The following SLC35F3 variants were observed in gnomAD, a reference collection of about 807,000 sequenced individuals.
The protein encoded by SLC35F3 is solute carrier family 35 member F3.
Under a neutral mutation model 49.9 loss-of-function variants are expected in SLC35F3, and 25 were observed. The observed-to-expected ratio is 0.50, with a 90% CI of 0.37 to 0.70. The LOEUF (loss-of-function observed/expected upper bound fraction) is 0.70, where lower values mean the gene tolerates loss of function less well. Among genes scored for constraint, SLC35F3 ranks in the 30% least tolerant of loss-of-function variants. The pLI is 0.00. For missense variants in SLC35F3, 525 were observed against 639.8 expected, an observed-to-expected ratio of 0.82 and a Z score of 1.94; for synonymous variants, 275 against 265.4, an observed-to-expected ratio of 1.04 and a Z score of -0.35.
In SLC35F3 at chr1:234,176,439, C is replaced by T. The variant is rs368139832; in HGVS notation, c.284-54978C>T. Among the ~76,000 whole-genome samples the T allele has an allele frequency of 9.8e-5, 15 of 152,342 alleles. No homozygotes were observed. In the South Asian group the frequency reaches 1.7e-3, roughly 17 times the overall value. ...GAAGGGACTCAGCTGCAGTAACTCACGCTTGTTCCACTCACAGCACCTTGA... is the reference window on the plus strand; with the variant it reads ...GAAGGGACTCAGCTGCAGTAACTCATGCTTGTTCCACTCACAGCACCTTGA... On this transcript the variant is annotated intron_variant, in intron 2 of 7. Coordinates refer to ENST00000366618, the MANE Select transcript of SLC35F3 (RefSeq NM_173508.4).
chr1:234,244,153 T>G (rs1268534538), intron 3 of SLC35F3, among the ~76,000 whole-genome samples: 1 of 152,230 alleles, frequency 6.6e-6, no homozygotes, highest in Non-Finnish European at 1.5e-5. Flanking sequence ...GGAGTCAGTC[T>G]GAGAGCCTAC....
chr1:233,925,878 T>C (rs1046723759), intron 2 of SLC35F3, among the ~76,000 whole-genome samples: 3 of 152,202 alleles, frequency 2.0e-5, no homozygotes, highest in African/African-American at 7.2e-5. Context: ...ATTTTATTTC[T>C]CCTTCACTTA....
intron 2 of SLC35F3, among the ~76,000 whole-genome samples, chr1:234,096,532 T>G (rs2102879756): frequency 6.6e-6 from 1 of 152,330 alleles, no homozygotes; most frequent in East Asian, 1.9e-4. Flanking sequence ...TTTGCCTCTC[T>G]CCACAGCAGA....
intron 2 of SLC35F3, among the ~76,000 whole-genome samples, chr1:234,203,664 T>C (rs1368134609): frequency 6.6e-6 from 1 of 151,122 alleles, no homozygotes; most frequent in Non-Finnish European, 1.5e-5. Context: ...TGAGCCGAGA[T>C]CACGCCACTG....
intron 3 of SLC35F3, among the ~76,000 whole-genome samples, chr1:234,277,801 T>G (rs1365018260): frequency 6.6e-6 from 1 of 152,194 alleles, no homozygotes; most frequent in East Asian, 1.9e-4. Flanking sequence ...TATATTTGTT[T>G]TCTGGAAGGC....
At chr1:233,933,770 G>A (rs980634947) in intron 2 of SLC35F3, among the ~76,000 whole-genome samples, 1 of 152,182 alleles carries the variant, frequency 6.6e-6, no homozygotes, top group Non-Finnish European at 1.5e-5. Flanking sequence ...GAACCTGGAA[G>A]GCGTAGGCGT....
In SLC35F3 at chr1:234,257,037, A is replaced by G. The variant is rs565438552; in HGVS notation, c.608+25296A>G. Among the ~76,000 whole-genome samples, 52 of 152,378 alleles carry G rather than the reference A, an allele frequency of 3.4e-4. No homozygotes were observed. The East Asian group carries it at 9.8e-3, about 29-fold the overall frequency. On this transcript the variant is annotated intron_variant, in intron 3 of 7. Coordinates refer to ENST00000366618, the MANE Select transcript of SLC35F3 (RefSeq NM_173508.4). ...TGGTAATAAAAATTTATCAAAACAC[A>G]TGGATACTTACAACTTAAAACGGGT... is the stretch of plus-strand genomic sequence containing the variant.
At chr1:234,024,001 A>AG (rs1334679956) in intron 2 of SLC35F3, among the ~76,000 whole-genome samples, 2 of 152,126 alleles carry the variant, frequency 1.3e-5, no homozygotes, top group East Asian at 3.9e-4. Flanking sequence ...ATCCTCAAAC[A>AG]GAAAAAGGGC....
At chr1:233,973,109 C>T (rs893477330) in intron 2 of SLC35F3, among the ~76,000 whole-genome samples, 3 of 152,240 alleles carry the variant, frequency 2.0e-5, no homozygotes, top group Non-Finnish European at 2.9e-5. Flanking sequence ...AATCATGTGA[C>T]TCAGCAGCCA....
intron 2 of SLC35F3, among the ~76,000 whole-genome samples, chr1:234,225,249 G>A (rs1454215845): frequency 6.6e-6 from 1 of 152,188 alleles, no homozygotes; most frequent in African/African-American, 2.4e-5. Flanking sequence ...AGTATTTAAT[G>A]AGTAGAAAAG....
intron 7 of SLC35F3, among the ~76,000 whole-genome samples, chr1:234,321,869 T>G (rs1389924776): frequency 1.3e-5 from 2 of 151,888 alleles, no homozygotes; most frequent in Non-Finnish European, 2.9e-5. Context: ...ATTAACAGGG[T>G]GTTTTACCAA....
chr1:234,113,899 G>A (rs553867560), intron 2 of SLC35F3, among the ~76,000 whole-genome samples: 12 of 152,304 alleles, frequency 7.9e-5, no homozygotes, highest in Admixed American at 2.0e-4. Flanking sequence ...TTGGTGACAC[G>A]TAAGAGATTT....
At chr1:234,203,924 C>T (rs901077434) in intron 2 of SLC35F3, among the ~76,000 whole-genome samples, 6 of 152,048 alleles carry the variant, frequency 3.9e-5, no homozygotes, top group South Asian at 4.2e-4. Context: ...AGCTAACATA[C>T]GTACACACAT....
intron 4 of SLC35F3, among the ~76,000 whole-genome samples, 162 bp from the exon 5 acceptor site, chr1:234,316,440 G>A (rs986824286): frequency 7.2e-5 from 11 of 152,334 alleles, no homozygotes; most frequent in African/African-American, 2.6e-4. Flanking sequence ...TTAGACAGGA[G>A]TCAGACTTTG....
chr1:234,274,608 C>T (rs1488428276), intron 3 of SLC35F3: 4 of 152,224 alleles, frequency 2.6e-5, no homozygotes, highest in South Asian at 4.1e-4. Flanking sequence ...CGCCAGGGCT[C>T]CCTGCTGACA....
intron 2 of SLC35F3, among the ~76,000 whole-genome samples, chr1:234,071,738 C>T (rs905013149): frequency 1.3e-5 from 2 of 152,188 alleles, no homozygotes; most frequent in Non-Finnish European, 2.9e-5. Flanking sequence ...TAATTTCCAC[C>T]TACAAACCTA....
intron 6 of SLC35F3, 44 bp downstream of exon 6, chr1:234,318,987 C>G: frequency 6.6e-7 from 1 of 1,520,958 alleles, no homozygotes; most frequent in Non-Finnish European, 9.0e-7. Context: ...AAGCAACCAC[C>G]CACAGAGGAC....
intron 2 of SLC35F3, among the ~76,000 whole-genome samples, chr1:234,044,353 G>A (rs1213312797): frequency 6.6e-6 from 1 of 152,102 alleles, no homozygotes; most frequent in Non-Finnish European, 1.5e-5. Flanking sequence ...ACACAAAATG[G>A]GCTAGATTGA....
At chr1:234,281,110 G>A (rs1169577076) in intron 3 of SLC35F3, among the ~76,000 whole-genome samples, 1 of 151,820 alleles carries the variant, frequency 6.6e-6, no homozygotes, top group Non-Finnish European at 1.5e-5. Context: ...TTCATATGCT[G>A]AAGCCCTAAC....
Sources: gnomAD v4.1 joint callset for allele counts (sites outside exome capture counted in the v4.1 genomes callset) on GRCh38, gnomAD v4.1.1 for gene constraint, MANE v1.5 for transcripts, NCBI Gene and HGNC (gene_info 2026-07-23, HGNC 2026-07-21) for gene names.